The following ITPR2 variants were observed in gnomAD, a reference collection of about 807,000 sequenced individuals.
ITPR2 encodes inositol 1,4,5-trisphosphate receptor type 2.
Under a neutral mutation model 317.1 loss-of-function variants are expected in ITPR2, and 207 were observed. The observed-to-expected ratio is 0.65, with a 90% CI of 0.58 to 0.73. ITPR2 has a LOEUF of 0.73. Ranked by LOEUF, ITPR2 falls within the 30% of genes least tolerant of loss-of-function variation. The pLI is 0.00. For missense variants in ITPR2, 2,613 were observed against 3,284.0 expected, an observed-to-expected ratio of 0.80 and a Z score of 4.99; for synonymous variants, 1,156 against 1,149.1, an observed-to-expected ratio of 1.01 and a Z score of -0.12.
intron 41 of ITPR2, among the ~76,000 whole-genome samples, chr12:26,485,579 G>A (rs573630523): frequency 1.8e-4 from 27 of 152,298 alleles, no homozygotes; most frequent in South Asian, 8.3e-4. Context: ...GGAAAATGCA[G>A]GAAAGAAGAT....
At chr12:26,703,946 G>C (rs542755516) in intron 9 of ITPR2, among the ~76,000 whole-genome samples, 1 of 152,280 alleles carries the variant, frequency 6.6e-6, no homozygotes, top group East Asian at 1.9e-4. Flanking sequence ...ATAGCTAACT[G>C]TGAACTGTGA....
chr12:26,340,932 A>G (rs1555109315), intron 55 of ITPR2, among the ~76,000 whole-genome samples: 1 of 152,144 alleles, frequency 6.6e-6, no homozygotes, highest in Non-Finnish European at 1.5e-5. Context: ...AGACTTCCCC[A>G]CAGGGCAATA....
At chr12:26,606,902 T>G (rs1946142888) in intron 26 of ITPR2, among the ~76,000 whole-genome samples, 1 of 152,148 alleles carries the variant, frequency 6.6e-6, no homozygotes, top group African/African-American at 2.4e-5. Context: ...TGCTAATCAC[T>G]CCAGCCTGGG....
chr12:26,470,984 T>C (rs1034245523), intron 45 of ITPR2, among the ~76,000 whole-genome samples: 2 of 152,334 alleles, frequency 1.3e-5, no homozygotes, highest in East Asian at 3.9e-4. Flanking sequence ...ATTAAAATTA[T>C]GTTTTCAAAG....
At chr12:26,378,270 CACAGACATGCAAAGAGCCA>C (rs1939404122) in intron 55 of ITPR2, among the ~76,000 whole-genome samples, 1 of 151,908 alleles carries the variant, frequency 6.6e-6, no homozygotes, top group Non-Finnish European at 1.5e-5. Context: ...TCAGGGAAGG[CACAGACATGCAAAGAGCCA>C]GAGGACCATG....
chr12:26,728,080 A>C (rs1377066499), intron 2 of ITPR2, among the ~76,000 whole-genome samples: 1 of 152,130 alleles, frequency 6.6e-6, no homozygotes, highest in Non-Finnish European at 1.5e-5. Context: ...TAGGCTAAGG[A>C]GGATGGACTA....
intron 52 of ITPR2, among the ~76,000 whole-genome samples, chr12:26,410,197 G>A (rs755400428): frequency 2.6e-5 from 4 of 152,146 alleles, no homozygotes; most frequent in Non-Finnish European, 4.4e-5. Flanking sequence ...TTTAGAAACT[G>A]CAGAGCACAA....
intron 2 of ITPR2, among the ~76,000 whole-genome samples, chr12:26,744,501 T>C (rs1949287309): frequency 6.6e-6 from 1 of 152,252 alleles, no homozygotes; most frequent in African/African-American, 2.4e-5. Flanking sequence ...GCTAGCACTC[T>C]TGGTCACCTT....
intron 37 of ITPR2, among the ~76,000 whole-genome samples, chr12:26,511,392 A>G (rs1214459179): frequency 1.3e-5 from 2 of 152,174 alleles, no homozygotes; most frequent in Non-Finnish European, 2.9e-5. Flanking sequence ...TCTCCTTCAG[A>G]GTAAATTTAA....
At chr12:26,462,673 C>CCT (rs386362868) in intron 45 of ITPR2, among the ~76,000 whole-genome samples, 8,070 of 62,738 alleles carry the variant, frequency 0.13, 379 homozygotes, top group Middle Eastern at 0.26. Context: ...AGCTTTCTTT[C>CCT]TTTTTTTTTT....
At chr12:26,527,346 G>C (rs1184323538) in intron 37 of ITPR2, among the ~76,000 whole-genome samples, 1 of 152,094 alleles carries the variant, frequency 6.6e-6, no homozygotes, top group African/African-American at 2.4e-5. Context: ...TTTGAGAAAT[G>C]TTTGCTGTTG....
rs544178284 is a variant in ITPR2, at chr12:26,616,239, G to A, written c.3462+4884C>T. 6.5e-4 allele frequency among the ~76,000 whole-genome samples: 99 copies of A among 152,118 alleles called. 1 individual carries two copies. The highest frequency in any genetic ancestry group is 1.4e-3 in the East Asian group (7 of 5,184). ...TGCAAGCTCCGCCTCCCGGGTTCAC[G>A]CCATTCTCCTGCCTCAGCCTCCCGA... On this transcript the variant is annotated intron_variant, in intron 26 of 56. Coordinates refer to ENST00000381340, the MANE Select transcript of ITPR2 (RefSeq NM_002223.4).
intron 2 of ITPR2, among the ~76,000 whole-genome samples, chr12:26,743,885 C>T (rs779112527): frequency 6.6e-6 from 1 of 152,116 alleles, no homozygotes. Flanking sequence ...GAGCAAAACT[C>T]CATCTCAAAA....
At chr12:26,343,482 C>A (rs1938203249) in intron 55 of ITPR2, among the ~76,000 whole-genome samples, 1 of 152,102 alleles carries the variant, frequency 6.6e-6, no homozygotes, top group Admixed American at 6.5e-5. Flanking sequence ...GGTTGCAGAA[C>A]AATGTGAATG....
chr12:26,750,729 G>T (rs1169925200), intron 2 of ITPR2, among the ~76,000 whole-genome samples: 1 of 152,152 alleles, frequency 6.6e-6, no homozygotes, highest in African/African-American at 2.4e-5. Flanking sequence ...CAGACAGAAG[G>T]CTCTAAGCAA....
At chr12:26,348,729 C>T (rs1591952686) in intron 55 of ITPR2, among the ~76,000 whole-genome samples, 1 of 152,146 alleles carries the variant, frequency 6.6e-6, no homozygotes, top group South Asian at 2.1e-4. Flanking sequence ...TGGTGCATGC[C>T]TATAATCCCA....
intron 45 of ITPR2, among the ~76,000 whole-genome samples, chr12:26,472,538 C>G (rs1244871963): frequency 6.6e-6 from 1 of 151,706 alleles, no homozygotes; most frequent in Non-Finnish European, 1.5e-5. Flanking sequence ...ATTTTCACAT[C>G]ATTGATATCA....
intron 37 of ITPR2, among the ~76,000 whole-genome samples, chr12:26,503,220 C>CACACACACACACACACACAG (rs1555143322): frequency 6.6e-6 from 1 of 151,544 alleles, no homozygotes; most frequent in South Asian, 2.1e-4. Context: ...CACACACACA[C>CACACACACACACACACACAG]GGATTAAGTG....
intron 52 of ITPR2, among the ~76,000 whole-genome samples, chr12:26,408,473 A>C (rs1347440264): frequency 6.6e-6 from 1 of 152,222 alleles, no homozygotes; most frequent in African/African-American, 2.4e-5. Context: ...AGTTGTATAA[A>C]GCCTAACATT....
Sources: gnomAD v4.1 joint callset for allele counts (sites outside exome capture counted in the v4.1 genomes callset) on GRCh38, gnomAD v4.1.1 for gene constraint, MANE v1.5 for transcripts, NCBI Gene and HGNC (gene_info 2026-07-23, HGNC 2026-07-21) for gene names.